The following ADGRE3 variants were observed in gnomAD, a reference collection of about 807,000 sequenced individuals.
ADGRE3 encodes the protein EGF-like module receptor 3.
In ADGRE3, 88 loss-of-function variants were observed where a neutral mutation model predicts 80.1. The observed-to-expected ratio is 1.10, with a 90% CI of 0.93 to 1.31. The LOEUF (loss-of-function observed/expected upper bound fraction) is 1.31, where lower values mean the gene tolerates loss of function less well. Ranked by LOEUF, ADGRE3 falls within the 40% of genes most tolerant of loss-of-function variation. The probability of loss-of-function intolerance (pLI) is 0.00; values close to 1 mark genes in which losing one functional copy is unlikely to be tolerated. For synonymous variants in ADGRE3, 281 were observed against 294.8 expected (o/e 0.95, Z 0.48); for missense variants, 715 against 776.5 (o/e 0.92, Z 0.94).
chr19:14,614,554 G>A (rs2075064551), downstream of ADGRE3, among the ~76,000 whole-genome samples: 2 of 151,566 alleles, frequency 1.3e-5, no homozygotes, highest in South Asian at 4.2e-4. Context: ...ACTTTGTGAG[G>A]TTGGAATATT....
chr19:14,637,679 G>A (rs1319006041), intron 11 of ADGRE3, among the ~76,000 whole-genome samples: 1 of 151,948 alleles, frequency 6.6e-6, no homozygotes, highest in Non-Finnish European at 1.5e-5. Context: ...GGGATTACAG[G>A]TGTGAGCCAC....
downstream of ADGRE3, among the ~76,000 whole-genome samples, chr19:14,617,244 C>T (rs2075079882): frequency 6.6e-6 from 1 of 151,372 alleles, no homozygotes; most frequent in African/African-American, 2.4e-5. Context: ...CTTTTCTTTT[C>T]TTTTTTCTTT....
chr19:14,616,122 G>C (rs1310901986), downstream of ADGRE3, among the ~76,000 whole-genome samples: 1 of 151,940 alleles, frequency 6.6e-6, no homozygotes, highest in Non-Finnish European at 1.5e-5. Flanking sequence ...AGTAGAGACG[G>C]GGTGTCACCA....
intron 5 of ADGRE3, among the ~76,000 whole-genome samples, chr19:14,657,601 C>G (rs533773104): frequency 6.6e-6 from 1 of 151,722 alleles, no homozygotes; most frequent in African/African-American, 2.4e-5. Context: ...TCTTGGTATA[C>G]GCATGGCATT....
intron 11 of ADGRE3, among the ~76,000 whole-genome samples, chr19:14,636,081 C>CTTT (rs1555755785): frequency 0.037 from 906 of 24,718 alleles, 122 homozygotes; most frequent in African/African-American, 0.041. Context: ...CTTTCCTTTC[C>CTTT]CTTTCTTTCT....
In ADGRE3 at chr19:14,620,548, T is replaced by TGTATATATA; in HGVS notation, c.1921-1078_1921-1077insTATATATAC. Reference sequence around the variant, plus strand: ...TGAATATATATATTTTATATATATATTATATATATATATATATATATTTTT... The same window carrying TGTATATATA: ...TGAATATATATATTTTATATATATATGTATATATATATATATATATATATATATATTTTT... On this transcript the variant is annotated intron_variant, in intron 15 of 15. Coordinates refer to ENST00000253673, the MANE Select transcript of ADGRE3 (RefSeq NM_032571.5). Among the ~76,000 whole-genome samples, 33 of 24,974 alleles carry TGTATATATA rather than the reference T, an allele frequency of 1.3e-3. 2 individuals are homozygous for TGTATATATA. Among genetic ancestry groups the TGTATATATA allele is most frequent in the Non-Finnish European group, 1.7e-3 (27 of 16,068 alleles). 16.4% of individuals were successfully genotyped at this position (24,974 alleles called of 152,430 possible). A position where few individuals can be genotyped will look rare whatever the true frequency, so the allele number is the denominator to read the frequency against.
chr19:14,645,275 AT>A (rs1971366578), intron 8 of ADGRE3, among the ~76,000 whole-genome samples: 1 of 152,188 alleles, frequency 6.6e-6, no homozygotes, highest in East Asian at 1.9e-4. Context: ...TGTATAATCA[AT>A]TTTGTCTCTA....
At chr19:14,655,224 C>A in intron 5 of ADGRE3, 59 bp from the exon 6 acceptor site, 2 of 1,461,896 alleles carry the variant, frequency 1.4e-6, no homozygotes, top group South Asian at 1.3e-5. Context: ...GTCCCATATC[C>A]AAAAGAACAG....
chr19:14,652,540 C>G (rs369083836), intron 6 of ADGRE3, among the ~76,000 whole-genome samples: 113 of 151,734 alleles, frequency 7.4e-4, no homozygotes, highest in African/African-American at 2.7e-3. Context: ...AGCACTTTTG[C>G]AGGCTGAGGC....
In ADGRE3 at chr19:14,665,942, ATATATATATATATATATAT is replaced by A. The variant is rs976040026; in HGVS notation, c.77-2421_77-2403del. Among the ~76,000 whole-genome samples the A allele has an allele frequency of 2.1e-5, 2 of 95,790 alleles. 1 individual carries two copies. The highest frequency in any genetic ancestry group is 8.3e-5 in the African/African-American group (2 of 24,146). The allele number at this position is 95,790 out of a possible 152,430, so 62.8% of individuals were successfully genotyped here. The stretch of plus-strand genomic sequence containing the variant: ...TGCATATACACACATATGTGTATAT[ATATATATATATATATATAT>A]ATATATATATATATATAGTGTTTTC... On this transcript the variant is annotated intron_variant, in intron 2 of 15. Transcript: ENST00000253673.
In ADGRE3 at chr19:14,641,557, G is replaced by T. The variant is rs1423063129; in HGVS notation, c.1110C>A (p.Cys370Ter). 1 of 1,614,194 alleles carries T rather than the reference G, an allele frequency of 6.2e-7. No individual in the cohort carries two copies. The change falls in exon 10 of 16, where the codon TGC (cysteine) becomes TGA (stop). Residue 370 changes from cysteine to a stop codon, truncating the protein, a stop_gained. Coordinates refer to ENST00000253673, the MANE Select transcript of ADGRE3 (RefSeq NM_032571.5). LOFTEE classifies it high-confidence loss of function. ...GAAAAGTGAGGGCCGCCAGGAGGAG[G>T]CACAGCAGAGAGACGCTCAGCCCCA... ...TYVGLSVSLL[C>*]LLLAALTFLL...
intron 1 of ADGRE3, among the ~76,000 whole-genome samples, chr19:14,670,906 G>T (rs556804281): frequency 6.6e-6 from 1 of 152,222 alleles, no homozygotes; most frequent in East Asian, 1.9e-4. Flanking sequence ...CTGCATGGAA[G>T]TGCTGTTCAG....
At chr19:14,648,378 G>A (rs569215990) in intron 7 of ADGRE3, among the ~76,000 whole-genome samples, 3 of 152,152 alleles carry the variant, frequency 2.0e-5, no homozygotes, top group Admixed American at 1.3e-4. Context: ...TTCAGCCCCC[G>A]GAGCAACCCT....
intron 11 of ADGRE3, among the ~76,000 whole-genome samples, chr19:14,636,081 C>CTTTTT (rs1555755785): frequency 4.1e-5 from 1 of 24,678 alleles, no homozygotes; most frequent in African/African-American, 1.4e-4. Context: ...CTTTCCTTTC[C>CTTTTT]CTTTCTTTCT....
At chr19:14,656,784 T>C (rs371585828) in intron 5 of ADGRE3, among the ~76,000 whole-genome samples, 10 of 152,328 alleles carry the variant, frequency 6.6e-5, no homozygotes, top group African/African-American at 2.2e-4. Context: ...CTGCTCTTTG[T>C]TAGAAAAGAA....
At chr19:14,668,989 T>C in intron 1 of ADGRE3, 137 bp from the exon 2 acceptor site, 1 of 790,870 alleles carries the variant, frequency 1.3e-6, no homozygotes, top group Admixed American at 2.5e-5. Flanking sequence ...AAGCTACATT[T>C]TTGTTGAGTA....
chr19:14,633,315 G>A lies in ADGRE3; in HGVS notation c.1485-13C>T. On this transcript the variant is annotated splice_polypyrimidine_tract_variant and intron_variant, in intron 11 of 15. Transcript: ENST00000253673. Reference sequence around the variant, plus strand: ...GTGGAGCCAGCATCTAGGAACAGTGGGAAAAGAGATACAAAGAGAGATCAG... The same window carrying A: ...GTGGAGCCAGCATCTAGGAACAGTGAGAAAAGAGATACAAAGAGAGATCAG... 1 of 1,602,854 alleles carries A rather than the reference G, an allele frequency of 6.2e-7. No homozygotes were observed. Among genetic ancestry groups the A allele is most frequent in the Non-Finnish European group, 8.5e-7 (1 of 1,171,800 alleles).
chr19:14,661,834 A>G, intron 4 of ADGRE3, 129 bp downstream of exon 4: 1 of 905,816 alleles, frequency 1.1e-6, no homozygotes, highest in Non-Finnish European at 1.7e-6. Flanking sequence ...CGGGAGGCGG[A>G]GGTTTCAGCC....
chr19:14,650,935 C>CTTTT, intron 7 of ADGRE3, 150 bp downstream of exon 7: 3 of 721,334 alleles, frequency 4.2e-6, no homozygotes, highest in Non-Finnish European at 6.3e-6. Context: ...GGGAAAATGT[C>CTTTT]TTTTTTTTTT....
Sources: gnomAD v4.1 joint callset for allele counts (sites outside exome capture counted in the v4.1 genomes callset) on GRCh38, gnomAD v4.1.1 for gene constraint, MANE v1.5 for transcripts, NCBI Gene and HGNC (gene_info 2026-07-23, HGNC 2026-07-21) for gene names.